RALGPS1: variants seen among roughly 807,000 people sequenced by gnomAD.
RALGPS1 encodes Ral GEF with PH domain and SH3 binding motif 1.
In RALGPS1, 19 loss-of-function variants were observed where a neutral mutation model predicts 78.8. The observed-to-expected ratio is 0.24, with a 90% CI of 0.17 to 0.35. The LOEUF (loss-of-function observed/expected upper bound fraction) is 0.35, where lower values mean the gene tolerates loss of function less well. Ranked by LOEUF, RALGPS1 falls within the 10% of genes least tolerant of loss-of-function variation. The pLI is 1.00. For missense variants in RALGPS1, 454 were observed against 688.3 expected, an observed-to-expected ratio of 0.66 and a Z score of 3.81; for synonymous variants, 228 against 256.3, an observed-to-expected ratio of 0.89 and a Z score of 1.06.
rs202172226 is a variant in RALGPS1 at position 127,188,832 on chromosome 9, T to TA, written c.911-6242dup. ...AAAGACTAAGAAACCCCATCTCTAC[T>TA]AAAAAAAAAAAAAAAAATGTAGCCA... On this transcript the variant is annotated intron_variant, in intron 11 of 18. Transcript: ENST00000259351. Among the ~76,000 whole-genome samples, 112 of 87,470 alleles carry TA rather than the reference T, an allele frequency of 1.3e-3. 2 individuals carry two copies. The highest frequency in any genetic ancestry group is 2.5e-3 in the East Asian group (6 of 2,440). The allele number at this position is 87,470 out of a possible 152,430, so 57.4% of individuals were successfully genotyped here. A position where few individuals can be genotyped will look rare whatever the true frequency, so the allele number is the denominator to read the frequency against.
chr9:126,962,733 G>C (rs1276295211), intron 2 of RALGPS1, among the ~76,000 whole-genome samples: 3 of 152,082 alleles, frequency 2.0e-5, no homozygotes, highest in African/African-American at 2.4e-5. Flanking sequence ...TATTTACCTT[G>C]CTCAGTGGGA....
chr9:126,977,870 A>T, intron 4 of RALGPS1, 125 bp downstream of exon 4: 1 of 644,204 alleles, frequency 1.6e-6, no homozygotes, highest in Non-Finnish European at 2.7e-6. Context: ...TATCCATTTA[A>T]ACCCCATTCT....
In RALGPS1 at chr9:127,212,586, C is replaced by T. The variant is rs200901476; in HGVS notation, c.1354-41C>T. On this transcript the variant is annotated intron_variant, in intron 15 of 18. Transcript: ENST00000259351. This position sits in a 1 kb window ranked among gnomAD's most constrained non-coding sequence, Gnocchi z 6.0. ...ATCGGCCAGGGATCCTCTACCCCCACGACCCCTGGTGGCATCACTCAGCCT... is the reference window on the plus strand; with the variant it reads ...ATCGGCCAGGGATCCTCTACCCCCATGACCCCTGGTGGCATCACTCAGCCT... 87 of 1,434,252 alleles carry T rather than the reference C, an allele frequency of 6.1e-5. No homozygotes were observed. The highest frequency in any genetic ancestry group is 3.9e-4 in the East Asian group (17 of 43,686). 88.8% of individuals were successfully genotyped at this position (1,434,252 alleles called of 1,614,324 possible).
In RALGPS1 at chr9:127,212,877, C is replaced by T. The variant is rs1310976936; in HGVS notation, c.1447-67C>T. ...GAGGGAGGAAGCCTTGCCTGGCCCA[C>T]GTCGGCCTCCCTTGTGGAGTGGAGG... On this transcript the variant is annotated intron_variant, in intron 16 of 18. Transcript: ENST00000259351. The surrounding 1 kb of genome is among the most constrained non-coding windows in gnomAD (Gnocchi z 6.0). 9 of 1,607,020 alleles carry T rather than the reference C, an allele frequency of 5.6e-6. No individual in the cohort carries two copies. The highest frequency in any genetic ancestry group is 3.3e-5 in the South Asian group (3 of 90,298).
At chr9:127,108,246 G>A in intron 8 of RALGPS1, 2 of 1,614,060 alleles carry the variant, frequency 1.2e-6, no homozygotes, top group Non-Finnish European at 1.7e-6. Context: ...TCTGGTTCAG[G>A]ATCCTGTTCT....
At chr9:126,932,944 G>C (rs2035928476) in intron 1 of RALGPS1, among the ~76,000 whole-genome samples, 1 of 152,180 alleles carries the variant, frequency 6.6e-6, no homozygotes, top group South Asian at 2.1e-4. Context: ...TGGCTGAGTG[G>C]GTGAGCTTCA....
At chr9:127,135,579 C>T (rs752290523) in intron 8 of RALGPS1, among the ~76,000 whole-genome samples, 15 of 152,196 alleles carry the variant, frequency 9.9e-5, no homozygotes, top group African/African-American at 1.7e-4. Flanking sequence ...CTGTGGGGAC[C>T]GGCTTGACAG....
intron 8 of RALGPS1, among the ~76,000 whole-genome samples, chr9:127,083,107 T>C (rs2051342208): frequency 6.6e-6 from 1 of 152,184 alleles, no homozygotes; most frequent in Non-Finnish European, 1.5e-5. Context: ...CTGGAGAGGA[T>C]GGGGACCAAT....
intron 11 of RALGPS1, among the ~76,000 whole-genome samples, chr9:127,189,245 CAG>C (rs2060885926): frequency 6.6e-6 from 1 of 152,148 alleles, no homozygotes; most frequent in African/African-American, 2.4e-5. Context: ...ATTCATCAAA[CAG>C]AGATTGTCCT....
intron 14 of RALGPS1, among the ~76,000 whole-genome samples, chr9:127,201,028 T>C (rs764729137): frequency 2.0e-5 from 3 of 152,236 alleles, no homozygotes; most frequent in African/African-American, 4.8e-5. Context: ...GTAGCAGATA[T>C]AGTTCCTGCT....
At chr9:127,169,191 CA>C (rs2059442139) in intron 10 of RALGPS1, among the ~76,000 whole-genome samples, 1 of 152,214 alleles carries the variant, frequency 6.6e-6, no homozygotes, top group Non-Finnish European at 1.5e-5. Flanking sequence ...AGGCAGCTTC[CA>C]GCCATATCTC....
chr9:127,209,260 C>T (rs1256893904), intron 14 of RALGPS1, among the ~76,000 whole-genome samples: 1 of 152,274 alleles, frequency 6.6e-6, no homozygotes, highest in Non-Finnish European at 1.5e-5. Flanking sequence ...GCTGCTTCTG[C>T]ATGGGCTAGC....
At chr9:127,001,507 A>G (rs2043305859) in intron 4 of RALGPS1, among the ~76,000 whole-genome samples, 1 of 152,172 alleles carries the variant, frequency 6.6e-6, no homozygotes, top group Non-Finnish European at 1.5e-5. Flanking sequence ...TTTTATGTAT[A>G]GTGTAAGACA....
intron 8 of RALGPS1, among the ~76,000 whole-genome samples, chr9:127,163,010 A>G (rs1337357392): frequency 3.3e-5 from 5 of 152,146 alleles, no homozygotes; most frequent in African/African-American, 9.7e-5. Flanking sequence ...GCAGGATCCC[A>G]TGAGACAGGA....
chr9:127,179,897 G>A (rs2060112325), intron 11 of RALGPS1, among the ~76,000 whole-genome samples: 1 of 152,208 alleles, frequency 6.6e-6, no homozygotes, highest in Admixed American at 6.5e-5. Context: ...GTCCGAAGTG[G>A]TCTGTGGGCT....
At chr9:126,966,256 C>T (rs927054942) in intron 3 of RALGPS1, among the ~76,000 whole-genome samples, 14 of 152,108 alleles carry the variant, frequency 9.2e-5, no homozygotes, top group East Asian at 3.9e-4. Flanking sequence ...AGGTGGCTCA[C>T]GCCTATAATC....
intron 4 of RALGPS1, among the ~76,000 whole-genome samples, chr9:126,988,694 A>G (rs1473877270): frequency 2.6e-5 from 4 of 152,234 alleles, no homozygotes; most frequent in Non-Finnish European, 4.4e-5. Context: ...AGCAGTCTGC[A>G]TGAGGCAAGG....
At chr9:127,164,898 G>A (rs1052535195) in intron 8 of RALGPS1, among the ~76,000 whole-genome samples, 3 of 152,118 alleles carry the variant, frequency 2.0e-5, no homozygotes, top group African/African-American at 4.8e-5. Context: ...ATATATATGT[G>A]TATATGTATA....
intron 7 of RALGPS1, among the ~76,000 whole-genome samples, chr9:127,056,183 C>T (rs2048731261): frequency 1.3e-5 from 2 of 152,354 alleles, no homozygotes; most frequent in Non-Finnish European, 2.9e-5. Flanking sequence ...TTACATGTCA[C>T]CTTGCTGGGG....
Sources: gnomAD v4.1 joint callset for allele counts (sites outside exome capture counted in the v4.1 genomes callset) on GRCh38, gnomAD v4.1.1 for gene constraint, Gnocchi (gnomAD v3.1) non-coding constraint, MANE v1.5 for transcripts, NCBI Gene and HGNC (gene_info 2026-07-23, HGNC 2026-07-21) for gene names.